Variants in GRB14 observed in about 807,000 individuals in gnomAD.
GRB14 encodes the protein growth factor receptor bound protein 14.
A neutral mutation model predicts 69.1 loss-of-function variants in GRB14; 38 were observed. That is an observed-to-expected ratio of 0.55 (90% CI 0.42 to 0.72). GRB14 has a LOEUF of 0.72. GRB14 is among the 30% of genes least tolerant of loss of function. The pLI, the probability that GRB14 is intolerant of heterozygous loss-of-function variation, is 0.00. For missense variants in GRB14, 666 were observed against 666.1 expected (o/e 1.00, Z 0.00); for synonymous variants, 247 against 241.3 (o/e 1.02, Z -0.22).
At chr2:164,508,407 A>G (rs1250313432) in intron 8 of GRB14, 48 bp downstream of exon 8, 1 of 1,427,288 alleles carries the variant, frequency 7.0e-7, no homozygotes, top group African/African-American at 1.4e-5. Context: ...TCTAACTTTT[A>G]TGGTACTCAC....
At chr2:164,611,420 G>C (rs1690164112) in intron 2 of GRB14, among the ~76,000 whole-genome samples, 1 of 151,994 alleles carries the variant, frequency 6.6e-6, no homozygotes, top group Non-Finnish European at 1.5e-5. Context: ...AGATGAAGCA[G>C]TACTTAACAA....
chr2:164,495,343 T>C (rs2105253630), intron 12 of GRB14, among the ~76,000 whole-genome samples: 1 of 152,300 alleles, frequency 6.6e-6, no homozygotes, highest in Non-Finnish European at 1.5e-5. Context: ...GAAATCAATA[T>C]ATTGTTTTAA....
At chr2:164,571,492 T>C (rs1361791400) in intron 2 of GRB14, among the ~76,000 whole-genome samples, 1 of 152,232 alleles carries the variant, frequency 6.6e-6, no homozygotes, top group Non-Finnish European at 1.5e-5. Flanking sequence ...AATAGCAGTG[T>C]ACATTATTTA....
chr2:164,493,146 C>G lies in GRB14; in HGVS notation c.1513G>C (p.Asp505His), dbSNP rs771149005. 5 of 1,613,384 alleles carry G rather than the reference C, an allele frequency of 3.1e-6. No homozygotes were observed. The highest frequency in any genetic ancestry group is 3.4e-6 in the Non-Finnish European group (4 of 1,179,650). The change falls in exon 14 of 14, where the codon GAT (aspartate) becomes CAT (histidine). Residue 505 changes from aspartate (D) to histidine (H), a missense_variant. Coordinates refer to ENST00000263915, the MANE Select transcript of GRB14 (RefSeq NM_004490.3). ...AGATCTGTAAATCTTGTGTGGCCAT[C>G]ATCCAGTGTGTGGAACATTTCACCG... is the stretch of plus-strand genomic sequence containing the variant. ...DDGEMFHTLD[D>H]GHTRFTDLIQ... is the part of the protein sequence containing the mutation.
Position 164,619,775 on chromosome 2 carries a change from G to A in GRB14, c.236C>T (p.Pro79Leu), listed in dbSNP as rs1690400604. The change falls in exon 2 of 14, where the codon CCA (proline) becomes CTA (leucine). Residue 79 changes from proline to leucine, a missense_variant. Pro to Leu is a moderately conservative substitution (Grantham distance 98). Coordinates refer to ENST00000263915, the MANE Select transcript of GRB14 (RefSeq NM_004490.3). ...ACAGCATAGCTCAGGAAAAGGGTTT[G>A]GAATAGATGGCATTTCCGGAACATC... ...DLDVPEMPSI[P>L]NPFPELCCSP... is the part of the protein sequence containing the mutation. 6.2e-7 allele frequency: 1 copy of A among 1,610,666 alleles called. No individual in the cohort carries two copies. Among genetic ancestry groups the A allele is most frequent in the South Asian group, 1.1e-5 (1 of 90,736 alleles).
chr2:164,611,463 A>C (rs963332357), intron 2 of GRB14, among the ~76,000 whole-genome samples: 2 of 152,020 alleles, frequency 1.3e-5, no homozygotes, highest in African/African-American at 4.8e-5. Flanking sequence ...ATTTTGGCTT[A>C]AGTAATCAAA....
intron 8 of GRB14, 90 bp from the exon 9 acceptor site, chr2:164,502,425 A>G: frequency 1.3e-6 from 1 of 774,088 alleles, no homozygotes; most frequent in South Asian, 1.8e-5. Flanking sequence ...TATACAATAT[A>G]AATATAAAAA....
At chr2:164,569,340 TA>T (rs1440588320) in intron 2 of GRB14, among the ~76,000 whole-genome samples, 1 of 151,996 alleles carries the variant, frequency 6.6e-6, no homozygotes, top group Non-Finnish European at 1.5e-5. Flanking sequence ...GAAGTCTAAA[TA>T]AAAAATGAAA....
At chr2:164,581,169 C>A (rs1397345946) in intron 2 of GRB14, among the ~76,000 whole-genome samples, 1 of 152,192 alleles carries the variant, frequency 6.6e-6, no homozygotes, top group Non-Finnish European at 1.5e-5. Context: ...TCCCTTCTTT[C>A]CTTTAGGGCC....
At position 164,497,199 on chromosome 2, in the gene GRB14, G is replaced by T. The variant is rs373646572; in HGVS notation, c.1294+12C>A. 4 of 1,610,900 alleles carry T rather than the reference G, an allele frequency of 2.5e-6. No individual in the cohort carries two copies. The African/African-American group carries it at 5.3e-5, about 22-fold the overall frequency. Reference sequence around the variant, plus strand: ...CCGTCTACTCAGTGGCAATGACTATGAACAGACATACCCATGTTTGTGGCA... The same window carrying T: ...CCGTCTACTCAGTGGCAATGACTATTAACAGACATACCCATGTTTGTGGCA... On this transcript the variant is annotated intron_variant, in intron 11 of 13. Transcript: ENST00000263915.
intron 2 of GRB14, among the ~76,000 whole-genome samples, chr2:164,614,119 C>A (rs552801334): frequency 3.4e-4 from 52 of 152,254 alleles, no homozygotes; most frequent in African/African-American, 1.3e-3. Flanking sequence ...GTAAAGCCTG[C>A]TTCAACACTG....
rs573802898 is a variant in GRB14, at chr2:164,618,961, T to C, written c.324+726A>G. On this transcript the variant is annotated intron_variant, in intron 2 of 13. Coordinates refer to ENST00000263915, the MANE Select transcript of GRB14 (RefSeq NM_004490.3). ...TGGGTCAAAACTGGGAGAAAGTATA[T>C]GACAAGAGATGAATTATTCTATGAT... 3.9e-5 allele frequency among the ~76,000 whole-genome samples: 6 copies of C among 152,356 alleles called. No individual in the cohort carries two copies. In the South Asian group the frequency reaches 1.2e-3, roughly 32 times the overall value.
chr2:164,617,203 G>A (rs964024990), intron 2 of GRB14, among the ~76,000 whole-genome samples: 11 of 152,180 alleles, frequency 7.2e-5, no homozygotes, highest in East Asian at 1.9e-4. Context: ...TTGGGCCAAG[G>A]AAGAGATCAG....
intron 2 of GRB14, among the ~76,000 whole-genome samples, chr2:164,592,127 T>C (rs1689680192): frequency 6.6e-6 from 1 of 151,620 alleles, no homozygotes; most frequent in Non-Finnish European, 1.5e-5. Flanking sequence ...TCATGGGTTT[T>C]TTTTTTGTTT....
rs1690451445 is a variant in GRB14 at position 164,621,172 on chromosome 2, G to A, written c.138C>T (p.His46=). The stretch of plus-strand genomic sequence containing the variant: ...CCGGAAGGGGCAGGAGCGCTCGCGC[G>A]TGCAGCCAGGGGGCCGGCGCCAGGT... ...AHDLAPAPWL[H]ARALLPLPDG... is the part of the protein sequence containing the mutation. Residue 46 remains histidine (H), a synonymous_variant, in exon 1 of 14, where the codon CAC becomes CAT. Transcript: ENST00000263915. The surrounding 1 kb of genome is among the most constrained non-coding windows in gnomAD (Gnocchi z 6.0). 1.0e-5 allele frequency: 13 copies of A among 1,244,238 alleles called. No individual in the cohort carries two copies. The highest frequency in any genetic ancestry group is 6.3e-5 in the East Asian group (2 of 31,692). 77.1% of individuals were successfully genotyped at this position (1,244,238 alleles called of 1,614,324 possible).
intron 3 of GRB14, among the ~76,000 whole-genome samples, chr2:164,538,116 A>C (rs2105300742): frequency 6.6e-6 from 1 of 152,288 alleles, no homozygotes; most frequent in South Asian, 2.1e-4. Flanking sequence ...AGCTGCACAC[A>C]TTAAAATGGT....
At chr2:164,574,652 A>G (rs7604647) in intron 2 of GRB14, among the ~76,000 whole-genome samples, 3 of 152,098 alleles carry the variant, frequency 2.0e-5, no homozygotes. Context: ...GTCAAAACTT[A>G]TTGATCGTTA....
At chr2:164,507,406 T>C (rs1687219786) in intron 8 of GRB14, among the ~76,000 whole-genome samples, 1 of 152,174 alleles carries the variant, frequency 6.6e-6, no homozygotes, top group East Asian at 1.9e-4. Context: ...TTTCTAACTA[T>C]ATTGAAAAGC....
intron 2 of GRB14, chr2:164,568,562 C>A: frequency 2.6e-6 from 2 of 755,278 alleles, no homozygotes; most frequent in Non-Finnish European, 3.3e-6. Context: ...TGGGACAGGA[C>A]AAGGCAGCAA....
Sources: gnomAD v4.1 joint callset for allele counts (sites outside exome capture counted in the v4.1 genomes callset) on GRCh38, gnomAD v4.1.1 for gene constraint, Gnocchi (gnomAD v3.1) non-coding constraint, MANE v1.5 for transcripts, NCBI Gene and HGNC (gene_info 2026-07-23, HGNC 2026-07-21) for gene names.